The following CTNNA3 variants were observed in gnomAD, a reference collection of about 807,000 sequenced individuals.
The protein encoded by CTNNA3 is catenin alpha-3.
Under a neutral mutation model 95.7 loss-of-function variants are expected in CTNNA3, and 76 were observed. The observed-to-expected ratio is 0.79, with a 90% confidence interval of 0.66 to 0.96. CTNNA3 has a LOEUF of 0.96. Among genes scored for constraint, CTNNA3 ranks in the 40% least tolerant of loss-of-function variants. CTNNA3 has a pLI of 0.00. For missense variants in CTNNA3, 1,191 were observed against 1,089.8 expected (o/e 1.09, Z -1.31); for synonymous variants, 431 against 374.4 (o/e 1.15, Z -1.74).
chr10:66,757,620 T>C lies in CTNNA3; in HGVS notation c.1281+8644A>G, dbSNP rs191457715. On this transcript the variant is annotated intron_variant, in intron 9 of 17. Coordinates refer to ENST00000433211, the MANE Select transcript of CTNNA3 (RefSeq NM_013266.4). ...TCTCTGCTTCTCTAATTAAGGAAGG[T>C]GGAATAAGAAGAAATCTAATCAACT... Among the ~76,000 whole-genome samples the C allele has an allele frequency of 3.3e-5, 5 of 152,242 alleles. No homozygotes were observed. The East Asian group carries it at 9.7e-4, about 29-fold the overall frequency.
intron 10 of CTNNA3, among the ~76,000 whole-genome samples, chr10:66,532,936 A>G (rs1311557219): frequency 6.6e-6 from 1 of 151,872 alleles, no homozygotes; most frequent in Non-Finnish European, 1.5e-5. Context: ...AATATCCTTG[A>G]CCTAGTATTT....
intron 16 of CTNNA3, among the ~76,000 whole-genome samples, chr10:65,971,031 A>G (rs965531399): frequency 4.6e-5 from 7 of 151,472 alleles, no homozygotes; most frequent in African/African-American, 1.7e-4. Flanking sequence ...GTATCTTCAT[A>G]GCAATGTGAA....
intron 7 of CTNNA3, among the ~76,000 whole-genome samples, chr10:66,976,183 T>A (rs927567187): frequency 1.3e-5 from 2 of 152,168 alleles, no homozygotes; most frequent in Non-Finnish European, 2.9e-5. Context: ...TAATTTAAAG[T>A]AACTCATGAA....
chr10:66,569,270 T>G (rs749861068), intron 10 of CTNNA3, among the ~76,000 whole-genome samples: 2 of 152,148 alleles, frequency 1.3e-5, no homozygotes, highest in Non-Finnish European at 2.9e-5. Flanking sequence ...CCTTTTGCTT[T>G]GCAATTTAGT....
chr10:67,055,548 A>G (rs1026531671), intron 7 of CTNNA3, among the ~76,000 whole-genome samples: 2 of 152,206 alleles, frequency 1.3e-5, no homozygotes, highest in African/African-American at 4.8e-5. Context: ...TGCAGGCTAG[A>G]AAGTTATGGA....
intron 17 of CTNNA3, among the ~76,000 whole-genome samples, chr10:65,958,581 T>C (rs1294296212): frequency 1.3e-5 from 2 of 152,202 alleles, no homozygotes; most frequent in African/African-American, 4.8e-5. Context: ...GGTGTGGATG[T>C]CCTTTCTGTT....
intron 10 of CTNNA3, among the ~76,000 whole-genome samples, chr10:66,537,462 C>T (rs188684332): frequency 3.9e-5 from 6 of 152,000 alleles, no homozygotes; most frequent in East Asian, 3.9e-4. Context: ...CTTAGTTTAT[C>T]GATGTTTATG....
At chr10:67,587,592 A>G (rs867305001) in intron 3 of CTNNA3, among the ~76,000 whole-genome samples, 10 of 151,852 alleles carry the variant, frequency 6.6e-5, no homozygotes, top group African/African-American at 1.2e-4. Context: ...AGTTTGATGG[A>G]GTTTCTGTTG....
chr10:66,235,763 A>C (rs1384153706), intron 13 of CTNNA3, among the ~76,000 whole-genome samples: 1 of 115,198 alleles, frequency 8.7e-6, no homozygotes. Context: ...ATAAAAATGA[A>C]CAAAGCTATT....
intron 7 of CTNNA3, chr10:66,925,813 T>C (rs1847033673): frequency 3.0e-6 from 1 of 338,086 alleles, no homozygotes; most frequent in Non-Finnish European, 5.9e-6. Context: ...AATAAAGACG[T>C]TGCCAAATTG....
chr10:66,679,932 T>C (rs750245542), intron 9 of CTNNA3, among the ~76,000 whole-genome samples: 1 of 152,170 alleles, frequency 6.6e-6, no homozygotes, highest in Non-Finnish European at 1.5e-5. Flanking sequence ...TTATTTATGT[T>C]ACTGTGAGCT....
At chr10:67,015,740 ATTT>A (rs1489058859) in intron 7 of CTNNA3, among the ~76,000 whole-genome samples, 1 of 151,634 alleles carries the variant, frequency 6.6e-6, no homozygotes, top group African/African-American at 2.4e-5. Flanking sequence ...TTATTGATTC[ATTT>A]TTTTCTGTTC....
intron 9 of CTNNA3, among the ~76,000 whole-genome samples, chr10:66,671,800 A>G (rs1053443901): frequency 6.6e-6 from 1 of 152,178 alleles, no homozygotes. Flanking sequence ...CAGCCTCTCT[A>G]TGCCTCAGCT....
At chr10:66,873,451 A>C (rs1844492771) in intron 7 of CTNNA3, among the ~76,000 whole-genome samples, 1 of 150,630 alleles carries the variant, frequency 6.6e-6, no homozygotes. Flanking sequence ...TTTGATTTGC[A>C]TTTCTCTGAT....
At chr10:67,751,214 C>G (rs914030478) in intron 1 of CTNNA3, 2 of 1,285,114 alleles carry the variant, frequency 1.6e-6, no homozygotes, top group Non-Finnish European at 1.1e-6. Context: ...AGGACTATCC[C>G]TTCGATGCAG....
intron 9 of CTNNA3, among the ~76,000 whole-genome samples, chr10:66,651,237 A>T (rs1421235134): frequency 1.3e-5 from 2 of 152,120 alleles, no homozygotes; most frequent in Non-Finnish European, 2.9e-5. Context: ...TAGACATAAA[A>T]GTTCTCCAAG....
intron 5 of CTNNA3, among the ~76,000 whole-genome samples, chr10:67,500,244 G>A (rs1164348402): frequency 1.3e-5 from 2 of 152,204 alleles, no homozygotes; most frequent in African/African-American, 4.8e-5. Context: ...GTGCAGTTGA[G>A]TGAATCTCTT....
At chr10:66,957,870 C>T (rs1433614295) in intron 7 of CTNNA3, among the ~76,000 whole-genome samples, 1 of 152,034 alleles carries the variant, frequency 6.6e-6, no homozygotes, top group Non-Finnish European at 1.5e-5. Context: ...AATTAGAGTT[C>T]TCCTTTCTCT....
At chr10:67,726,083 ATAT>A (rs1455174595) in intron 1 of CTNNA3, among the ~76,000 whole-genome samples, 3 of 119,484 alleles carry the variant, frequency 2.5e-5, no homozygotes, top group African/African-American at 6.5e-5. Context: ...TTTAAATTAT[ATAT>A]TATAATATAT....
Sources: allele counts gnomAD v4.1 joint callset (sites outside exome capture counted in the v4.1 genomes callset), GRCh38; gene constraint gnomAD v4.1.1; transcripts MANE v1.5; gene names NCBI Gene and HGNC (gene_info 2026-07-23, HGNC 2026-07-21).